GABRA3: variants seen among roughly 807,000 people sequenced by gnomAD.
The protein encoded by GABRA3 is gamma-aminobutyric acid type A receptor subunit alpha3.
GABRA3 carries 10 observed loss-of-function variants against 30.1 expected under a neutral mutation model. The observed-to-expected ratio is 0.33, with a 90% confidence interval of 0.20 to 0.56. The LOEUF is 0.56. Ranked by LOEUF, GABRA3 falls within the 20% of genes least tolerant of loss-of-function variation. The probability of loss-of-function intolerance (pLI) is 0.89; values close to 1 mark genes in which losing one functional copy is unlikely to be tolerated. For synonymous variants in GABRA3, 151 were observed against 146.8 expected (o/e 1.03, Z -0.21); for missense variants, 233 against 392.0 (o/e 0.59, Z 3.42).
At chrX:152,267,551 CTT>C (rs989135673) in intron 4 of GABRA3, among the ~76,000 whole-genome samples, 2 of 111,272 alleles carry the variant, frequency 1.8e-5, no homozygotes, top group Non-Finnish European at 3.8e-5. Flanking sequence ...ATTCCCATCT[CTT>C]TAAGTTTTTG....
rs1357245301 is a variant in GABRA3 at position 152,225,790 on chromosome X, C to G, written c.552-945G>C. 5.5e-5 allele frequency among the ~76,000 whole-genome samples: 6 copies of G among 109,605 alleles called. No homozygotes were observed. In the South Asian group the frequency reaches 2.0e-3, roughly 37 times the overall value. On this transcript the variant is annotated intron_variant, in intron 5 of 9. Transcript: ENST00000370314. ...ACCTAAGAGTAGCTTGGAAGCTAGC[C>G]GTCATGAGCTACTTCTAACTAGCCT...
chrX:152,283,497 A>T (rs1490021967), intron 4 of GABRA3, among the ~76,000 whole-genome samples: 5 of 112,151 alleles, frequency 4.5e-5, no homozygotes, highest in Non-Finnish European at 9.4e-5. Context: ...CAATTGACTC[A>T]TAGACCTTGC....
intron 3 of GABRA3, among the ~76,000 whole-genome samples, chrX:152,305,476 T>C (rs1192399293): frequency 1.8e-5 from 2 of 111,196 alleles, no homozygotes; most frequent in East Asian, 2.8e-4. Context: ...GTCCCAACTA[T>C]ACAAACCCCC....
chrX:152,368,439 G>T (rs1026691293), intron 1 of GABRA3, among the ~76,000 whole-genome samples: 1 of 110,720 alleles, frequency 9.0e-6, no homozygotes, highest in African/African-American at 3.3e-5. Flanking sequence ...TGTACTATAG[G>T]TTCATCCATG....
intron 7 of GABRA3, among the ~76,000 whole-genome samples, chrX:152,198,890 T>G: frequency 8.9e-6 from 1 of 112,344 alleles, no homozygotes; most frequent in African/African-American, 3.2e-5. Context: ...TGCTGAAGCC[T>G]TAGCCCCTGT....
chrX:152,316,500 C>A (rs1939880198), intron 3 of GABRA3, among the ~76,000 whole-genome samples: 1 of 111,627 alleles, frequency 9.0e-6, no homozygotes, highest in Non-Finnish European at 1.9e-5. Flanking sequence ...ACACAATAAG[C>A]TCAAAGAACT....
At chrX:152,314,272 C>G (rs1015739031) in intron 3 of GABRA3, among the ~76,000 whole-genome samples, 1 of 111,687 alleles carries the variant, frequency 9.0e-6, no homozygotes, top group Non-Finnish European at 1.9e-5. Context: ...CTACATTTAG[C>G]TTCTTGAGGG....
At position 152,255,764 on chromosome X, in the gene GABRA3, C is replaced by A; in HGVS notation, c.551+14G>T. 8.3e-7 allele frequency: 1 copy of A among 1,197,867 alleles called. No individual in the cohort carries two copies. The highest frequency in any genetic ancestry group is 1.1e-6 in the Non-Finnish European group (1 of 882,898). ...CTCCCAATATACTTTGGGTGGGAACCACCACTCTCTGACCTCATTGTATAG... is the reference window on the plus strand; with the variant it reads ...CTCCCAATATACTTTGGGTGGGAACAACCACTCTCTGACCTCATTGTATAG... On this transcript the variant is annotated intron_variant, in intron 5 of 9. Coordinates refer to ENST00000370314, the MANE Select transcript of GABRA3 (RefSeq NM_000808.4).
intron 7 of GABRA3, among the ~76,000 whole-genome samples, chrX:152,198,699 C>G (rs1427358916): frequency 1.8e-5 from 2 of 111,809 alleles, no homozygotes; most frequent in Non-Finnish European, 3.8e-5. Flanking sequence ...CTTTTAATTT[C>G]TAAACACTGG....
chrX:152,373,547 T>C (rs755205022), intron 1 of GABRA3, among the ~76,000 whole-genome samples: 1 of 111,855 alleles, frequency 8.9e-6, no homozygotes, highest in Non-Finnish European at 1.9e-5. Context: ...CCAACATCTA[T>C]TGTTTCTTGA....
At chrX:152,328,288 C>T (rs933266351) in intron 3 of GABRA3, among the ~76,000 whole-genome samples, 4 of 111,741 alleles carry the variant, frequency 3.6e-5, no homozygotes, top group African/African-American at 1.3e-4. Context: ...GAGCTGGTAC[C>T]ATTCCTTCTG....
intron 5 of GABRA3, among the ~76,000 whole-genome samples, chrX:152,243,400 C>T (rs1437401333): frequency 8.9e-6 from 1 of 111,861 alleles, no homozygotes. Context: ...CTTGATTTAG[C>T]TATTCCCCAA....
chrX:152,302,562 C>A (rs1438401289), intron 3 of GABRA3, among the ~76,000 whole-genome samples: 1 of 110,957 alleles, frequency 9.0e-6, no homozygotes, highest in Non-Finnish European at 1.9e-5. Flanking sequence ...ATAAACATAG[C>A]CTGAAGGTAA....
intron 5 of GABRA3, among the ~76,000 whole-genome samples, chrX:152,254,403 C>T (rs1938604625): frequency 9.2e-6 from 1 of 108,412 alleles, no homozygotes; most frequent in African/African-American, 3.3e-5. Context: ...TTTTTGTCCT[C>T]TCTTCTCATA....
At chrX:152,199,706 T>G (rs766151417) in intron 7 of GABRA3, among the ~76,000 whole-genome samples, 1 of 110,230 alleles carries the variant, frequency 9.1e-6, no homozygotes, top group Non-Finnish European at 1.9e-5. Context: ...GATTTTGGTT[T>G]TCACTCTCCC....
rs190180814 is a variant in GABRA3 at position 152,217,422 on chromosome X, T to G, written c.634+7341A>C. On this transcript the variant is annotated intron_variant, in intron 6 of 9. Transcript: ENST00000370314. ...TAAGAAATACTTGCCTATAGTTGTA[T>G]TTTTTAGTTACCTTTGGTTTTGATA... Among the ~76,000 whole-genome samples, 903 of 111,657 alleles carry G rather than the reference T, an allele frequency of 8.1e-3. 14 individuals carry two copies. The highest frequency in any genetic ancestry group is 0.028 in the African/African-American group (854 of 30,969).
At chrX:152,314,481 T>G (rs1939843340) in intron 3 of GABRA3, among the ~76,000 whole-genome samples, 1 of 112,441 alleles carries the variant, frequency 8.9e-6, no homozygotes, top group Non-Finnish European at 1.9e-5. Flanking sequence ...ATAATTTGAA[T>G]AAAACTCAAG....
At chrX:152,419,678 A>G (rs1569421736) in intron 1 of GABRA3, among the ~76,000 whole-genome samples, 1 of 111,690 alleles carries the variant, frequency 9.0e-6, no homozygotes, top group African/African-American at 3.2e-5. Context: ...ATTCCTCTCA[A>G]CATTTAAAGA....
intron 1 of GABRA3, among the ~76,000 whole-genome samples, chrX:152,366,342 G>A: frequency 8.9e-6 from 1 of 111,894 alleles, no homozygotes. Context: ...TGGAACATAA[G>A]ACATAGCCAT....
Sources: gnomAD v4.1 joint callset for allele counts (sites outside exome capture counted in the v4.1 genomes callset) on GRCh38, gnomAD v4.1.1 for gene constraint, MANE v1.5 for transcripts, NCBI Gene and HGNC (gene_info 2026-07-23, HGNC 2026-07-21) for gene names.